Variants in FHAD1 observed in about 807,000 individuals in gnomAD.
FHAD1 encodes the protein forkhead-associated domain-containing protein 1.
FHAD1 carries 146 observed loss-of-function variants against 191.3 expected under a neutral mutation model. The observed-to-expected ratio is 0.76, with a 90% CI of 0.67 to 0.88. The LOEUF (loss-of-function observed/expected upper bound fraction) is 0.88, where lower values mean the gene tolerates loss of function less well. Ranked by LOEUF, FHAD1 falls within the 40% of genes least tolerant of loss-of-function variation. The pLI, the probability that FHAD1 is intolerant of heterozygous loss-of-function variation, is 0.00. For missense variants in FHAD1, 1,635 were observed against 1,785.8 expected, an observed-to-expected ratio of 0.92 and a Z score of 1.52; for synonymous variants, 616 against 672.3, an observed-to-expected ratio of 0.92 and a Z score of 1.29.
chr1:15,244,753 A>G (rs1645798731), upstream of FHAD1, among the ~76,000 whole-genome samples: 1 of 151,816 alleles, frequency 6.6e-6, no homozygotes, highest in Non-Finnish European at 1.5e-5. This position sits in a 1 kb window ranked among gnomAD's most constrained non-coding sequence, Gnocchi z 5.1. Flanking sequence ...AGATTCTACC[A>G]GGGGTCAGGG....
downstream of FHAD1, among the ~76,000 whole-genome samples, chr1:15,402,562 G>C (rs1707151709): frequency 6.6e-6 from 1 of 152,178 alleles, no homozygotes; most frequent in African/African-American, 2.4e-5. Context: ...CCTTTCATCA[G>C]TTGAAATATA....
intron 31 of FHAD1, chr1:15,383,722 T>G (rs960491216): frequency 3.3e-6 from 1 of 303,844 alleles, no homozygotes; most frequent in African/African-American, 2.2e-5. Flanking sequence ...GGCCAGGGAC[T>G]GGGCTCACCT....
chr1:15,364,805 G>A (rs917433435), intron 23 of FHAD1, among the ~76,000 whole-genome samples: 22 of 152,228 alleles, frequency 1.4e-4, no homozygotes, highest in African/African-American at 4.6e-4. Context: ...AACTTGCTGA[G>A]ACATGCACCC....
intron 3 of FHAD1, among the ~76,000 whole-genome samples, chr1:15,274,324 TTGG>T (rs1413573723): frequency 6.6e-6 from 1 of 152,156 alleles, no homozygotes; most frequent in African/African-American, 2.4e-5. Context: ...AGATTCTGTT[TTGG>T]CCAGGCATGG....
At chr1:15,339,974 T>C (rs1463834943) in intron 15 of FHAD1, among the ~76,000 whole-genome samples, 2 of 152,120 alleles carry the variant, frequency 1.3e-5, no homozygotes, top group Non-Finnish European at 2.9e-5. Context: ...TACAGGCGCC[T>C]GCCACCATGT....
At chr1:15,305,795 G>A in intron 6 of FHAD1, 1 of 446,700 alleles carries the variant, frequency 2.2e-6, no homozygotes, top group Non-Finnish European at 4.5e-6. Context: ...CCATGATTCT[G>A]AGGCCTCCCC....
At chr1:15,363,686 G>C in intron 23 of FHAD1, 1 of 453,596 alleles carries the variant, frequency 2.2e-6, no homozygotes, top group Non-Finnish European at 4.4e-6. Flanking sequence ...AAGTTAAGGG[G>C]TCGGCTAAGT....
chr1:15,340,724 C>T (rs1003605954), intron 15 of FHAD1, among the ~76,000 whole-genome samples: 3 of 152,084 alleles, frequency 2.0e-5, no homozygotes, highest in African/African-American at 7.2e-5. Flanking sequence ...GCCACAGAGG[C>T]TTGAGTCCAG....
At chr1:15,389,019 AG>A (rs1440165186) in intron 32 of FHAD1, among the ~76,000 whole-genome samples, 1 of 152,156 alleles carries the variant, frequency 6.6e-6, no homozygotes, top group Non-Finnish European at 1.5e-5. Flanking sequence ...GACTTAATCC[AG>A]GGATGGATTG....
chr1:15,290,208 C>T (rs1277113704), intron 4 of FHAD1, among the ~76,000 whole-genome samples: 1 of 152,166 alleles, frequency 6.6e-6, no homozygotes, highest in Non-Finnish European at 1.5e-5. Flanking sequence ...CCACTCACAA[C>T]CTGGTCACTC....
In FHAD1 at chr1:15,276,334, A is replaced by T. The variant is rs982437497; in HGVS notation, c.300+3805A>T. ...GCCTCCACTGTGAGCCTTCCCATGG[A>T]CAGAAAACCTCCCAAGACCTCCCAA... is the stretch of plus-strand genomic sequence containing the variant. On this transcript the variant is annotated intron_variant, in intron 3 of 33. Coordinates refer to ENST00000688493, the MANE Select transcript of FHAD1 (RefSeq NM_001391957.1). The surrounding 1 kb of genome is among the most constrained non-coding windows in gnomAD (Gnocchi z 4.7). Among the ~76,000 whole-genome samples, 1 of 152,216 alleles carries T rather than the reference A, an allele frequency of 6.6e-6. No individual in the cohort carries two copies. The highest frequency in any genetic ancestry group is 2.4e-5 in the African/African-American group (1 of 41,458).
intron 26 of FHAD1, among the ~76,000 whole-genome samples, chr1:15,371,782 A>G (rs1698177457): frequency 6.6e-6 from 1 of 152,344 alleles, no homozygotes; most frequent in Middle Eastern, 3.4e-3. Context: ...TCCTGTGAGC[A>G]GGCTGAAGAC....
downstream of FHAD1, among the ~76,000 whole-genome samples, chr1:15,399,562 T>G (rs1216825464): frequency 6.6e-6 from 1 of 151,580 alleles, no homozygotes; most frequent in African/African-American, 2.4e-5. Context: ...CAACACCTTG[T>G]CTCAAAAAAA....
intron 16 of FHAD1, among the ~76,000 whole-genome samples, chr1:15,342,785 A>C (rs1687271939): frequency 6.6e-6 from 1 of 151,798 alleles, no homozygotes; most frequent in African/African-American, 2.4e-5. Flanking sequence ...TCAGCCTCCC[A>C]AGTAGCTGGG....
chr1:15,328,332 A>G lies in FHAD1; in HGVS notation c.1613A>G (p.Lys538Arg), dbSNP rs1679729829. 6.5e-7 allele frequency: 1 copy of G among 1,547,794 alleles called. No individual in the cohort carries two copies. Among genetic ancestry groups the G allele is most frequent in the African/African-American group, 1.4e-5 (1 of 72,376 alleles). ...TEDNINFQQKKWTLQKETQLS... is the reference protein window; with the variant it reads ...TEDNINFQQKRWTLQKETQLS... ...GACAACATCAATTTTCAGCAGAAAA[A>G]GTGGACCCTCCAGAAAGAGACCCAG... Residue 538 changes from lysine to arginine, a missense_variant, in exon 13 of 34, where the codon AAG becomes AGG. By Grantham distance (26) the Lys-to-Arg change is conservative. Coordinates refer to ENST00000688493, the MANE Select transcript of FHAD1 (RefSeq NM_001391957.1).
At chr1:15,328,615 C>T (rs996795603) in intron 13 of FHAD1, 186 bp downstream of exon 13, 23 of 482,980 alleles carry the variant, frequency 4.8e-5, no homozygotes, top group South Asian at 2.8e-4. Flanking sequence ...AAATGCCTCC[C>T]GGGAGAACTT....
upstream of FHAD1, among the ~76,000 whole-genome samples, chr1:15,242,476 C>T (rs1194262339): frequency 1.3e-5 from 2 of 152,098 alleles, no homozygotes; most frequent in Non-Finnish European, 2.9e-5. Context: ...TAACCACATT[C>T]ATAAAGGTTC....
intron 4 of FHAD1, among the ~76,000 whole-genome samples, chr1:15,293,804 A>G (rs1665949352): frequency 6.6e-6 from 1 of 152,200 alleles, no homozygotes; most frequent in African/African-American, 2.4e-5. Flanking sequence ...AGATTTCTTT[A>G]TCCATTCGTC....
chr1:15,252,970 A>C (rs903004585), intron 2 of FHAD1, among the ~76,000 whole-genome samples: 2 of 152,220 alleles, frequency 1.3e-5, no homozygotes, highest in East Asian at 3.9e-4. Flanking sequence ...TGAGAAGCAG[A>C]TCTCTTTCAG....
Sources: gnomAD v4.1 joint callset for allele counts (sites outside exome capture counted in the v4.1 genomes callset) on GRCh38, gnomAD v4.1.1 for gene constraint, Gnocchi (gnomAD v3.1) non-coding constraint, MANE v1.5 for transcripts, NCBI Gene and HGNC (gene_info 2026-07-23, HGNC 2026-07-21) for gene names.